MIGA1: variants seen among roughly 807,000 people sequenced by gnomAD.
The protein encoded by MIGA1 is family with sequence similarity 73, member A.
A neutral mutation model predicts 82.0 loss-of-function variants in MIGA1; 58 were observed. The ratio of observed to expected loss-of-function variants is 0.71; its 90% confidence interval spans 0.57 to 0.88. The LOEUF is 0.88. MIGA1 is among the 40% of genes least tolerant of loss of function. The pLI is 0.00. For missense variants in MIGA1, 751 were observed against 749.1 expected (o/e 1.00, Z -0.03); for synonymous variants, 249 against 253.6 (o/e 0.98, Z 0.17).
At chr1:77,844,295 A>G (rs1684756110) in intron 8 of MIGA1, among the ~76,000 whole-genome samples, 1 of 73,476 alleles carries the variant, frequency 1.4e-5, no homozygotes, top group South Asian at 4.8e-4. Flanking sequence ...TAAAGCTATA[A>G]ACATGTTTCC....
In MIGA1 at chr1:77,847,741, G is replaced by A. The variant is rs184713607; in HGVS notation, c.996+4334G>A. 1.3e-5 allele frequency: 21 copies of A among 1,592,836 alleles called. No individual in the cohort carries two copies. In the East Asian group the frequency reaches 2.7e-4, roughly 20 times the overall value. The stretch of plus-strand genomic sequence containing the variant: ...GAGGAAGTACCTAAATGCAGCTTTC[G>A]TGAAGCCAGATCTGGTATAAAGGAA... On this transcript the variant is annotated intron_variant, in intron 8 of 15. Coordinates refer to ENST00000370791, the MANE Select transcript of MIGA1 (RefSeq NM_198549.4).
intron 7 of MIGA1, among the ~76,000 whole-genome samples, chr1:77,831,681 T>A (rs1684252707): frequency 6.6e-6 from 1 of 152,204 alleles, no homozygotes; most frequent in Admixed American, 6.5e-5. Flanking sequence ...ATGTTTGTGA[T>A]TACATGCTTT....
At chr1:77,854,432 G>A (rs1685170365) in intron 8 of MIGA1, among the ~76,000 whole-genome samples, 3 of 152,124 alleles carry the variant, frequency 2.0e-5, no homozygotes, top group East Asian at 1.9e-4. Context: ...TGGGCTTGCC[G>A]GATCAAATGG....
chr1:77,845,860 A>C lies in MIGA1; in HGVS notation c.996+2453A>C, dbSNP rs1042691012. 2.6e-5 allele frequency among the ~76,000 whole-genome samples: 4 copies of C among 152,284 alleles called. No individual in the cohort carries two copies. In the South Asian group the frequency reaches 8.3e-4, roughly 32 times the overall value. ...AATTTCTGGTATCGGTTTTTCTATA[A>C]GCTAGATCAATCATTTGTGAAAGTG... On this transcript the variant is annotated intron_variant, in intron 8 of 15. Transcript: ENST00000370791.
intron 7 of MIGA1, among the ~76,000 whole-genome samples, chr1:77,841,737 C>CT (rs113884294): frequency 2.7e-5 from 4 of 148,902 alleles, no homozygotes; most frequent in Non-Finnish European, 4.4e-5. Context: ...CTTCTGCTTT[C>CT]TTTCTTTTCT....
chr1:77,814,089 A>G (rs1255725164), intron 6 of MIGA1, among the ~76,000 whole-genome samples: 3 of 152,044 alleles, frequency 2.0e-5, no homozygotes, highest in Non-Finnish European at 4.4e-5. Flanking sequence ...GTGTCTCACT[A>G]TGTTGCCCAG....
intron 1 of MIGA1, chr1:77,782,866 G>A: frequency 3.0e-6 from 3 of 984,692 alleles, no homozygotes; most frequent in Non-Finnish European, 3.6e-6. Flanking sequence ...TTATATGAAG[G>A]AAACCAAATG....
chr1:77,829,868 CTGA>C, intron 7 of MIGA1, among the ~76,000 whole-genome samples: 1 of 151,900 alleles, frequency 6.6e-6, no homozygotes, highest in Non-Finnish European at 1.5e-5. Flanking sequence ...TCTTTTCTGA[CTGA>C]TTTGCAAAGC....
chr1:77,831,474 A>G (rs1351392727), intron 7 of MIGA1, among the ~76,000 whole-genome samples: 3 of 151,680 alleles, frequency 2.0e-5, no homozygotes, highest in East Asian at 1.9e-4. Context: ...TATATATTTT[A>G]TAATAAACAG....
At chr1:77,858,880 T>TACAG (rs1685363072) in intron 8 of MIGA1, 58 bp from the exon 9 acceptor site, 1 of 945,706 alleles carries the variant, frequency 1.1e-6, no homozygotes, top group African/African-American at 1.6e-5. Context: ...GTGTTGCAAT[T>TACAG]ACAGGCATGA....
intron 7 of MIGA1, among the ~76,000 whole-genome samples, chr1:77,834,267 C>T (rs1684347319): frequency 6.6e-6 from 1 of 152,180 alleles, no homozygotes; most frequent in Admixed American, 6.5e-5. Flanking sequence ...CCTCAAACTC[C>T]TAGGCTCAAG....
At chr1:77,843,264 TGTGGA>T in intron 7 of MIGA1, 38 bp from the exon 8 acceptor site, 3 of 1,351,192 alleles carry the variant, frequency 2.2e-6, no homozygotes, top group Non-Finnish European at 3.2e-6. Context: ...ACCACAATGA[TGTGGA>T]ATATCACTTT....
intron 7 of MIGA1, among the ~76,000 whole-genome samples, chr1:77,824,849 T>G (rs1683968076): frequency 6.6e-6 from 1 of 152,208 alleles, no homozygotes; most frequent in Non-Finnish European, 1.5e-5. Flanking sequence ...ATTCTATAAT[T>G]TATTGTTTGC....
At chr1:77,796,187 C>T (rs970604436) in intron 2 of MIGA1, among the ~76,000 whole-genome samples, 5 of 150,784 alleles carry the variant, frequency 3.3e-5, no homozygotes, top group East Asian at 2.0e-4. Context: ...GGCATGATCT[C>T]GGCTCACTGC....
chr1:77,860,275 G>A (rs949354514), intron 11 of MIGA1, 149 bp downstream of exon 11: 3 of 583,566 alleles, frequency 5.1e-6, no homozygotes, highest in Non-Finnish European at 9.1e-6. Context: ...GTTGAACTAT[G>A]TATAAAGTCC....
chr1:77,782,913 GT>G, intron 1 of MIGA1: 1 of 958,064 alleles, frequency 1.0e-6, no homozygotes, highest in Non-Finnish European at 1.2e-6. Context: ...CCTAAAAAGT[GT>G]TAAATTTTTA....
At chr1:77,838,441 T>G (rs1268388854) in intron 7 of MIGA1, among the ~76,000 whole-genome samples, 1 of 151,760 alleles carries the variant, frequency 6.6e-6, no homozygotes, top group African/African-American at 2.4e-5. Flanking sequence ...CCTTCTATCT[T>G]ATTTATTTAT....
chr1:77,813,194 C>A (rs1426185084), intron 5 of MIGA1, among the ~76,000 whole-genome samples: 1 of 152,110 alleles, frequency 6.6e-6, no homozygotes, highest in Non-Finnish European at 1.5e-5. Context: ...GTTGGCCAGG[C>A]TGGTCTCGAA....
At position 77,779,719 on chromosome 1, in the gene MIGA1, C is replaced by A; in HGVS notation, c.64C>A (p.Pro22Thr). 1 of 1,579,966 alleles carries A rather than the reference C, an allele frequency of 6.3e-7. No homozygotes were observed. Among genetic ancestry groups the A allele is most frequent in the Non-Finnish European group, 8.6e-7 (1 of 1,163,076 alleles). The change falls in exon 1 of 16, where the codon CCT becomes ACT. Residue 22 changes from proline to threonine, a missense_variant. Physicochemically the swap from Pro to Thr is conservative, Grantham distance 38. This residue lies in a region of MIGA1 where 482 missense variants were observed against 439.4 expected (regional missense o/e 1.10). Coordinates refer to ENST00000370791, the MANE Select transcript of MIGA1 (RefSeq NM_198549.4). ...AGCTGGCGTGGGCAGGCCAGCTGTACCTGGCCTGGAGCTCCAGGTACAGGG... is the reference window on the plus strand; with the variant it reads ...AGCTGGCGTGGGCAGGCCAGCTGTAACTGGCCTGGAGCTCCAGGTACAGGG...
Sources: gnomAD v4.1 joint callset for allele counts (sites outside exome capture counted in the v4.1 genomes callset) on GRCh38, gnomAD v4.1.1 for gene constraint, gnomAD v4.1.1 regional missense constraint, MANE v1.5 for transcripts, NCBI Gene and HGNC (gene_info 2026-07-23, HGNC 2026-07-21) for gene names.